SMYD3: variants seen among roughly 807,000 people sequenced by gnomAD.
SMYD3 encodes the protein histone-lysine N-methyltransferase SMYD3.
A neutral mutation model predicts 57.7 loss-of-function variants in SMYD3; 36 were observed. That is an observed-to-expected ratio of 0.62 (90% CI 0.48 to 0.82). SMYD3 has a LOEUF of 0.82. Ranked by LOEUF, SMYD3 falls within the 40% of genes least tolerant of loss-of-function variation. The pLI is 0.00. For missense variants in SMYD3, 515 were observed against 538.8 expected (o/e 0.96, Z 0.44); for synonymous variants, 211 against 195.0 (o/e 1.08, Z -0.68).
chr1:245,818,236 C>G (rs1444561007), intron 10 of SMYD3, among the ~76,000 whole-genome samples: 1 of 152,134 alleles, frequency 6.6e-6, no homozygotes, highest in East Asian at 1.9e-4. Context: ...GAGTGGGGAG[C>G]AATATTCAAC....
intron 5 of SMYD3, among the ~76,000 whole-genome samples, chr1:245,931,093 G>A (rs1445974593): frequency 1.3e-5 from 2 of 152,176 alleles, no homozygotes; most frequent in African/African-American, 4.8e-5. Flanking sequence ...GACGGAGTGG[G>A]ATCACTTACG....
chr1:245,991,833 C>T (rs531801457), intron 5 of SMYD3, among the ~76,000 whole-genome samples: 2 of 110,206 alleles, frequency 1.8e-5, no homozygotes, highest in Non-Finnish European at 1.8e-5. Context: ...AACGGCCTGC[C>T]GTCATTTCTA....
At chr1:245,789,274 G>T (rs1392902176) in intron 10 of SMYD3, among the ~76,000 whole-genome samples, 1 of 152,166 alleles carries the variant, frequency 6.6e-6, no homozygotes, top group African/African-American at 2.4e-5. Flanking sequence ...GGTCTCCGTA[G>T]CTCCTCACGT....
At chr1:246,428,825 G>C (rs199577277) in intron 1 of SMYD3, among the ~76,000 whole-genome samples, 5 of 48,910 alleles carry the variant, frequency 1.0e-4, no homozygotes, top group Admixed American at 3.1e-4. Context: ...CTTAACCGCC[G>C]ATGCTCTGCT....
intron 1 of SMYD3, among the ~76,000 whole-genome samples, chr1:246,467,316 G>C (rs1167271665): frequency 6.6e-6 from 1 of 152,088 alleles, no homozygotes; most frequent in African/African-American, 2.4e-5. Context: ...TACCTGTTTT[G>C]CTTGAACTAC....
chr1:246,014,444 T>G (rs1156262032), intron 5 of SMYD3, among the ~76,000 whole-genome samples: 1 of 152,204 alleles, frequency 6.6e-6, no homozygotes, highest in East Asian at 1.9e-4. Flanking sequence ...TGGGGTTTCA[T>G]GAAACAGCAT....
chr1:245,783,857 T>C (rs1247008315), intron 10 of SMYD3, among the ~76,000 whole-genome samples: 1 of 152,220 alleles, frequency 6.6e-6, no homozygotes, highest in African/African-American at 2.4e-5. Flanking sequence ...ACAGTATCTG[T>C]ATGCTAAAAC....
rs137983574 is a variant in SMYD3 at position 246,223,212 on chromosome 1, G to A, written c.531+103989C>T. Among the ~76,000 whole-genome samples the A allele has an allele frequency of 1.1e-4, 16 of 152,264 alleles. No individual in the cohort carries two copies. In the East Asian group the frequency reaches 2.7e-3, roughly 26 times the overall value. ...GGAGAAAAGTGGTCATAAGGAAGCC[G>A]TGGGGCCACAGATGTATGACCACTC... On this transcript the variant is annotated intron_variant, in intron 5 of 11. Coordinates refer to ENST00000490107, the MANE Select transcript of SMYD3 (RefSeq NM_001167740.2).
intron 9 of SMYD3, among the ~76,000 whole-genome samples, chr1:245,863,442 T>C (rs2148492647): frequency 6.6e-6 from 1 of 152,332 alleles, no homozygotes; most frequent in Admixed American, 6.5e-5. Context: ...ATGATAAGGA[T>C]TCTAAGCTAC....
intron 1 of SMYD3, among the ~76,000 whole-genome samples, chr1:246,461,341 G>C (rs1187776974): frequency 6.6e-6 from 1 of 151,994 alleles, no homozygotes; most frequent in Admixed American, 6.6e-5. Context: ...GTAGCTCCAG[G>C]TATTATGCAG....
chr1:245,950,484 G>A (rs1462358610), intron 5 of SMYD3, among the ~76,000 whole-genome samples: 1 of 152,184 alleles, frequency 6.6e-6, no homozygotes, highest in Non-Finnish European at 1.5e-5. Flanking sequence ...ACTAGGCCCT[G>A]AACGTCTGAC....
At chr1:246,152,297 TC>T (rs1202244114) in intron 5 of SMYD3, among the ~76,000 whole-genome samples, 30 of 152,248 alleles carry the variant, frequency 2.0e-4, no homozygotes, top group Middle Eastern at 3.4e-3. Context: ...TGTTAACACA[TC>T]CTGGGGACAA....
At chr1:246,267,998 A>T (rs1003188714) in intron 5 of SMYD3, among the ~76,000 whole-genome samples, 7 of 152,158 alleles carry the variant, frequency 4.6e-5, no homozygotes, top group African/African-American at 1.7e-4. Context: ...GCAGTAGTGT[A>T]AAAATAATTC....
At chr1:246,089,520 T>C (rs1478261481) in intron 5 of SMYD3, among the ~76,000 whole-genome samples, 2 of 152,182 alleles carry the variant, frequency 1.3e-5, no homozygotes, top group Admixed American at 6.5e-5. Flanking sequence ...ATTCCTGAAA[T>C]CACTTCAGTT....
intron 11 of SMYD3, among the ~76,000 whole-genome samples, chr1:245,761,289 C>T (rs1008750671): frequency 3.9e-5 from 6 of 152,016 alleles, no homozygotes; most frequent in African/African-American, 7.2e-5. Flanking sequence ...AACATGATTA[C>T]GAAGAGAAGC....
chr1:245,832,065 T>C (rs538600558), intron 10 of SMYD3, among the ~76,000 whole-genome samples: 27 of 152,320 alleles, frequency 1.8e-4, no homozygotes, highest in African/African-American at 6.0e-4. Context: ...TACTTTCTAA[T>C]GAATGGGCAG....
intron 5 of SMYD3, among the ~76,000 whole-genome samples, chr1:246,121,033 T>C (rs755840946): frequency 5.6e-4 from 85 of 152,206 alleles, no homozygotes; most frequent in Non-Finnish European, 9.0e-4. Context: ...ATAAAACACA[T>C]TTCTTGCTTT....
chr1:245,949,432 C>T (rs72768783), intron 5 of SMYD3, among the ~76,000 whole-genome samples: 333 of 152,212 alleles, frequency 2.2e-3, no homozygotes, highest in Non-Finnish European at 4.2e-3. Context: ...ATAGACACCA[C>T]GGATGCCGAT....
At position 245,851,500 on chromosome 1, in the gene SMYD3, C is replaced by T. The variant is rs115014079; in HGVS notation, c.1076+6996G>A. 6.5e-3 allele frequency among the ~76,000 whole-genome samples: 988 copies of T among 152,236 alleles called. 12 individuals carry two copies. The highest frequency in any genetic ancestry group is 0.022 in the African/African-American group (927 of 41,528). On this transcript the variant is annotated intron_variant, in intron 10 of 11. Transcript: ENST00000490107. ...TGATATCTCTTGCTCTGTCTCCTAC[C>T]GGCCAAGGCATATCTAAAGGCCATA... is the stretch of plus-strand genomic sequence containing the variant.
Sources: gnomAD v4.1 joint callset for allele counts (sites outside exome capture counted in the v4.1 genomes callset) on GRCh38, gnomAD v4.1.1 for gene constraint, MANE v1.5 for transcripts, NCBI Gene and HGNC (gene_info 2026-07-23, HGNC 2026-07-21) for gene names.